The following KIAA0753 variants were observed in gnomAD, a reference collection of about 807,000 sequenced individuals.
The protein encoded by KIAA0753 is KIAA0753, also known as protein moonraker.
In KIAA0753, 114 loss-of-function variants were observed where a neutral mutation model predicts 116.9. The observed-to-expected ratio is 0.98, with a 90% confidence interval of 0.84 to 1.14. KIAA0753 has a LOEUF of 1.14. Ranked by LOEUF, KIAA0753 falls within the 50% of genes most tolerant of loss-of-function variation. KIAA0753 has a pLI of 0.00. For synonymous variants in KIAA0753, 405 were observed against 413.1 expected (o/e 0.98, Z 0.24); for missense variants, 1,156 against 1,172.4 (o/e 0.99, Z 0.20).
chr17:6,635,199 C>G, intron 1 of KIAA0753, 28 bp from the exon 2 acceptor site: 1 of 881,134 alleles, frequency 1.1e-6, no homozygotes, highest in Non-Finnish European at 1.9e-6. Context: ...TACTTCAGAC[C>G]AACAGCGTTG....
At chr17:6,617,780 T>C (rs1277137580) in intron 7 of KIAA0753, among the ~76,000 whole-genome samples, 1 of 152,204 alleles carries the variant, frequency 6.6e-6, no homozygotes, top group Non-Finnish European at 1.5e-5. Flanking sequence ...TCGTCATCGA[T>C]CATGCCTATG....
Position 6,612,181 on chromosome 17 carries a change from A to C in KIAA0753, c.1316-33T>G, listed in dbSNP as rs1177979378. The stretch of plus-strand genomic sequence containing the variant: ...GAAATTTTTGAAAAACAAACTGAGG[A>C]AAATGCTATTCAAATCAAATTGCTG... On this transcript the variant is annotated intron_variant, in intron 7 of 18. Coordinates refer to ENST00000361413, the MANE Select transcript of KIAA0753 (RefSeq NM_014804.3). 4 of 1,483,510 alleles carry C rather than the reference A, an allele frequency of 2.7e-6. No individual in the cohort carries two copies. In the Admixed American group the frequency reaches 7.0e-5, roughly 26 times the overall value. 91.9% of individuals were successfully genotyped at this position (1,483,510 alleles called of 1,614,324 possible).
intron 18 of KIAA0753, among the ~76,000 whole-genome samples, chr17:6,584,578 TC>T: frequency 6.6e-6 from 1 of 152,284 alleles, no homozygotes; most frequent in Middle Eastern, 3.4e-3. Context: ...TCTTTAATCT[TC>T]CCCGTTCTGC....
At position 6,628,124 on chromosome 17, in the gene KIAA0753, A is replaced by T; in HGVS notation, c.711T>A (p.Thr237=). The change falls in exon 3 of 19, where the codon ACT becomes ACA. Residue 237 remains threonine (T), a synonymous_variant. Transcript: ENST00000361413. ...GAATCTAATTTTTCTCACCTTTTTT[A>T]GTTACCTCTTCAATTTTGTGGATAC... is the stretch of plus-strand genomic sequence containing the variant. ...SSCIHKIEEV[T]KKDRLEEALD... 6.2e-7 allele frequency: 1 copy of T among 1,604,652 alleles called. No individual in the cohort carries two copies. The highest frequency in any genetic ancestry group is 1.7e-4 in the Middle Eastern group (1 of 5,964).
intron 16 of KIAA0753, among the ~76,000 whole-genome samples, chr17:6,593,349 C>T (rs568213140): frequency 3.3e-5 from 5 of 151,200 alleles, no homozygotes; most frequent in South Asian, 2.1e-4. Context: ...GGAGGCCGGG[C>T]GCAATGGCTC....
At chr17:6,610,525 T>C (rs1970471270) in intron 8 of KIAA0753, among the ~76,000 whole-genome samples, 1 of 145,478 alleles carries the variant, frequency 6.9e-6, no homozygotes, top group East Asian at 2.0e-4. Context: ...TCTTTTTTTT[T>C]TTTTTTTTTT....
intron 18 of KIAA0753, among the ~76,000 whole-genome samples, chr17:6,587,897 C>T (rs1392038260): frequency 6.6e-6 from 1 of 152,166 alleles, no homozygotes; most frequent in Non-Finnish European, 1.5e-5. Context: ...TAAACGCACA[C>T]AGAAGAATCA....
At chr17:6,608,523 C>T (rs2051594009) in intron 9 of KIAA0753, 59 bp from the exon 10 acceptor site, 2 of 907,004 alleles carry the variant, frequency 2.2e-6, no homozygotes, top group South Asian at 5.0e-5. Context: ...AATGACTCAT[C>T]CAAGTAGGTG....
Position 6,579,871 on chromosome 17 carries a change from G to A in KIAA0753, c.2787-7C>T, listed in dbSNP as rs750420464. ...TACCAGCTCTTCTGAAAAGCTGGAA[G>A]ACAAACAACACAACTAAAGGTATGT... On this transcript the variant is annotated splice_polypyrimidine_tract_variant and splice_region_variant and intron_variant, in intron 18 of 18. Coordinates refer to ENST00000361413, the MANE Select transcript of KIAA0753 (RefSeq NM_014804.3). The A allele has an allele frequency of 6.8e-6, 11 of 1,607,384 alleles. No homozygotes were observed. Among genetic ancestry groups the A allele is most frequent in the Non-Finnish European group, 9.4e-6 (11 of 1,174,708 alleles).
chr17:6,597,452 C>T (rs1969560472), intron 14 of KIAA0753, among the ~76,000 whole-genome samples: 1 of 151,998 alleles, frequency 6.6e-6, no homozygotes, highest in African/African-American at 2.4e-5. Flanking sequence ...AGGAAGGTCT[C>T]AATGCAATGA....
Position 6,639,082 on chromosome 17 carries a change from C to G in KIAA0753, c.-69+1555G>C, listed in dbSNP as rs978376654. On this transcript the variant is annotated intron_variant, in intron 1 of 18. Coordinates refer to ENST00000361413, the MANE Select transcript of KIAA0753 (RefSeq NM_014804.3). The surrounding 1 kb of genome is among the most constrained non-coding windows in gnomAD (Gnocchi z 4.3). ...AGCACAGGGCACCCCAACAGAGTAT[C>G]CTGTGCCCCACGGGCCGGGCATACC... 3 of 152,704 alleles carry G rather than the reference C, an allele frequency of 2.0e-5. No individual in the cohort carries two copies. Among genetic ancestry groups the G allele is most frequent in the Non-Finnish European group, 4.4e-5 (3 of 68,482 alleles). The allele number at this position is 152,704 out of a possible 1,614,324, so 9.5% of individuals were successfully genotyped here.
chr17:6,601,671 G>A (rs991761716), intron 12 of KIAA0753, among the ~76,000 whole-genome samples: 1 of 152,116 alleles, frequency 6.6e-6, no homozygotes, highest in African/African-American at 2.4e-5. Context: ...ATGGATAACA[G>A]ACACAAGAAT....
At chr17:6,589,366 T>C (rs1265902656) in intron 18 of KIAA0753, among the ~76,000 whole-genome samples, 3 of 152,212 alleles carry the variant, frequency 2.0e-5, no homozygotes, top group African/African-American at 7.2e-5. Flanking sequence ...ACCTTGATCT[T>C]AGACTCCCCA....
Position 6,579,637 on chromosome 17 carries a change from C to G in KIAA0753, c.*110G>C. 1.3e-6 allele frequency: 1 copy of G among 755,064 alleles called. No individual in the cohort carries two copies. Among genetic ancestry groups the G allele is most frequent in the Non-Finnish European group, 2.3e-6 (1 of 432,568 alleles). The allele number at this position is 755,064 out of a possible 1,614,324, so 46.8% of individuals were successfully genotyped here. A position where few individuals can be genotyped will look rare whatever the true frequency, so the allele number is the denominator to read the frequency against. ...CTGCCTTCCTTTCAGTGGGCAGCAC[C>G]TTCTGGGCCTGGATGGACAGCTGAG... On this transcript the variant is annotated 3_prime_UTR_variant, in exon 19 of 19. Coordinates refer to ENST00000361413, the MANE Select transcript of KIAA0753 (RefSeq NM_014804.3).
At chr17:6,629,844 A>T (rs997751535) in intron 2 of KIAA0753, among the ~76,000 whole-genome samples, 1 of 152,246 alleles carries the variant, frequency 6.6e-6, no homozygotes, top group African/African-American at 2.4e-5. Flanking sequence ...CTCACTAAAG[A>T]AAAAACAAAT....
intron 6 of KIAA0753, among the ~76,000 whole-genome samples, chr17:6,622,453 C>T (rs1278214791): frequency 1.3e-5 from 2 of 152,214 alleles, no homozygotes; most frequent in Admixed American, 6.5e-5. Flanking sequence ...AGCTATATCA[C>T]AAGATTTGAG....
intron 4 of KIAA0753, among the ~76,000 whole-genome samples, chr17:6,624,536 CCACACA>C (rs55849399): frequency 1.2e-3 from 169 of 144,016 alleles, no homozygotes; most frequent in Middle Eastern, 7.1e-3. Context: ...GAGTTTGGCG[CCACACA>C]CACACACACA....
At chr17:6,631,112 G>A (rs1971998729) in intron 2 of KIAA0753, among the ~76,000 whole-genome samples, 1 of 152,038 alleles carries the variant, frequency 6.6e-6, no homozygotes, top group South Asian at 2.1e-4. Context: ...ATGAAGGGAG[G>A]AAGAGGGAAA....
intron 8 of KIAA0753, among the ~76,000 whole-genome samples, 192 bp from the exon 9 acceptor site, chr17:6,610,352 G>A (rs1036797764): frequency 6.6e-6 from 1 of 151,032 alleles, no homozygotes; most frequent in Non-Finnish European, 1.5e-5. Context: ...GTAGGGGCGG[G>A]GGGTGGAGGG....
Sources: allele counts gnomAD v4.1 joint callset (sites outside exome capture counted in the v4.1 genomes callset), GRCh38; gene constraint gnomAD v4.1.1; non-coding constraint Gnocchi (gnomAD v3.1); transcripts MANE v1.5; gene names NCBI Gene and HGNC (gene_info 2026-07-23, HGNC 2026-07-21).